The following KRT26 variants were observed in gnomAD, a reference collection of about 807,000 sequenced individuals.
KRT26 encodes the protein keratin, type I cytoskeletal 26.
A neutral mutation model predicts 46.1 loss-of-function variants in KRT26; 45 were observed. The observed-to-expected ratio is 0.98, with a 90% CI of 0.77 to 1.25. KRT26 has a LOEUF of 1.25. Ranked by LOEUF, KRT26 falls within the 50% of genes most tolerant of loss-of-function variation. KRT26 has a pLI of 0.00. For missense variants in KRT26, 582 were observed against 560.1 expected (o/e 1.04, Z -0.39); for synonymous variants, 191 against 209.9 (o/e 0.91, Z 0.78).
exon 1 of KRT26, chr17:40,771,925 C>G: frequency 6.2e-7 from 1 of 1,614,198 alleles, no homozygotes; most frequent in Non-Finnish European, 8.5e-7. Flanking sequence ...CACCACTTCC[C>G]AACCCTCCAC....
chr17:40,770,387 G>A, exon 3 of KRT26: 1 of 1,599,186 alleles, frequency 6.3e-7, no homozygotes, highest in South Asian at 1.1e-5. Flanking sequence ...ACACTGTGGT[G>A]CAGAGCCAGC....
At chr17:40,766,289 A>G (rs1046539122) in exon 8 of KRT26, 6 of 355,442 alleles carry the variant, frequency 1.7e-5, no homozygotes, top group African/African-American at 1.3e-4. Context: ...CCAAAATAAA[A>G]ACAAAAATTA....
At chr17:40,770,323 G>A (rs2038212377) in exon 3 of KRT26, 1 of 1,614,136 alleles carries the variant, frequency 6.2e-7, no homozygotes, top group Non-Finnish European at 8.5e-7. Flanking sequence ...CAGGTCGGTT[G>A]TACAAAGGGT....
chr17:40,772,135 C>A (rs2038228258), exon 1 of KRT26: 1 of 1,606,432 alleles, frequency 6.2e-7, no homozygotes. Context: ...AGCCGGGCAA[C>A]CCCTTCCCAG....
At position 40,771,664 on chromosome 17, in the gene KRT26, A is replaced by G. The variant is rs2038221754; in HGVS notation, c.441+9T>C. 1.3e-6 allele frequency: 2 copies of G among 1,598,922 alleles called. No individual in the cohort carries two copies. Among genetic ancestry groups the G allele is most frequent in the African/African-American group, 2.7e-5 (2 of 74,290 alleles). Reference sequence around the variant, plus strand: ...CTGTAGTAAAAGTATGCAAATCCCTATTTCTTACCTGCCTTTTAAGATCTT... The same window carrying G: ...CTGTAGTAAAAGTATGCAAATCCCTGTTTCTTACCTGCCTTTTAAGATCTT... On this transcript the variant is annotated intron_variant, in intron 1 of 7. Coordinates refer to ENST00000335552, the Ensembl canonical transcript of KRT26.
exon 4 of KRT26, chr17:40,770,081 G>A (rs771715785): frequency 4.3e-6 from 7 of 1,613,946 alleles, no homozygotes; most frequent in Admixed American, 1.7e-5. Flanking sequence ...TCATCTCCAC[G>A]TTCACGTTCC....
Position 40,768,861 on chromosome 17 carries a change from TTG to T in KRT26, c.1187+16_1187+17del. Reference sequence around the variant, plus strand: ...GTTAATGTGAGGTTTTTTTTTTTTTTTGCAAGTTAATCTTTACCTTTCTTCTC... The same window carrying T: ...GTTAATGTGAGGTTTTTTTTTTTTTTCAAGTTAATCTTTACCTTTCTTCTC... On this transcript the variant is annotated intron_variant, in intron 6 of 7. Transcript: ENST00000335552. 11 of 1,377,480 alleles carry T rather than the reference TTG, an allele frequency of 8.0e-6. No homozygotes were observed. The highest frequency in any genetic ancestry group is 2.6e-5 in the South Asian group (2 of 75,682). The allele number at this position is 1,377,480 out of a possible 1,614,324, so 85.3% of individuals were successfully genotyped here. A position where few individuals can be genotyped will look rare whatever the true frequency, so the allele number is the denominator to read the frequency against.
chr17:40,769,053 T>C, exon 6 of KRT26: 1 of 1,614,074 alleles, frequency 6.2e-7, no homozygotes, highest in Non-Finnish European at 8.5e-7. Flanking sequence ...TTGATTGCAG[T>C]AATTTCCTTC....
intron 6 of KRT26, 109 bp downstream of exon 6, chr17:40,768,770 G>A (rs771295981): frequency 1.7e-4 from 104 of 597,522 alleles, no homozygotes; most frequent in Non-Finnish European, 2.6e-4. Flanking sequence ...GGATAAATAT[G>A]TATGATCTCC....
At chr17:40,766,451 C>A in exon 8 of KRT26, 4 of 1,324,742 alleles carry the variant, frequency 3.0e-6, no homozygotes, top group South Asian at 1.5e-5. Flanking sequence ...GCAAAGGCAG[C>A]CTTTCTTTCT....
exon 8 of KRT26, chr17:40,766,659 T>G (rs1255221728): frequency 3.1e-6 from 5 of 1,609,460 alleles, no homozygotes; most frequent in Admixed American, 1.7e-5. Context: ...TAGTTTCTTC[T>G]GTTGAGTCTA....
chr17:40,770,723 C>T (rs896392669), intron 2 of KRT26, among the ~76,000 whole-genome samples: 3 of 152,210 alleles, frequency 2.0e-5, no homozygotes, highest in Non-Finnish European at 2.9e-5. Context: ...CTCACTCTGT[C>T]ACCCAGACTG....
chr17:40,767,709 A>G, intron 6 of KRT26, 56 bp from the exon 7 acceptor site: 1 of 867,174 alleles, frequency 1.2e-6, no homozygotes, highest in Non-Finnish European at 1.9e-6. Context: ...GTGAGCTTAT[A>G]AATACCTCTA....
Position 40,769,200 on chromosome 17 carries a change from C to G in KRT26, c.970-104G>C, listed in dbSNP as rs534576891. 232 of 716,792 alleles carry G rather than the reference C, an allele frequency of 3.2e-4. 5 individuals are homozygous for G. The South Asian group carries it at 4.4e-3, about 14-fold the overall frequency. The allele number at this position is 716,792 out of a possible 1,614,324, so 44.4% of individuals were successfully genotyped here. On this transcript the variant is annotated intron_variant, in intron 5 of 7. Transcript: ENST00000335552. Reference sequence around the variant, plus strand: ...TTGAGACTGTGTCTTGCTCTGTCACCCAGGCTGAGTGCAGTGGCATGATCT... The same window carrying G: ...TTGAGACTGTGTCTTGCTCTGTCACGCAGGCTGAGTGCAGTGGCATGATCT...
At chr17:40,770,798 T>A (rs2144147869) in intron 2 of KRT26, among the ~76,000 whole-genome samples, 1 of 152,298 alleles carries the variant, frequency 6.6e-6, no homozygotes, top group Non-Finnish European at 1.5e-5. Flanking sequence ...GATTCTCATG[T>A]CTCAGCCTCC....
intron 6 of KRT26, among the ~76,000 whole-genome samples, chr17:40,767,974 G>C (rs115013394): frequency 6.6e-6 from 1 of 152,188 alleles, no homozygotes; most frequent in Non-Finnish European, 1.5e-5. Context: ...GCTGGGCTAG[G>C]TGCTGCAGAA....
exon 6 of KRT26, chr17:40,768,982 C>T (rs760154857): frequency 1.2e-6 from 2 of 1,612,922 alleles, no homozygotes; most frequent in East Asian, 2.2e-5. Context: ...CCTTCTGTTT[C>T]TGTTCGAATC....
exon 2 of KRT26, chr17:40,771,177 C>T: frequency 2.5e-6 from 4 of 1,602,098 alleles, no homozygotes; most frequent in Non-Finnish European, 3.4e-6. Flanking sequence ...CATCAGCGGT[C>T]AGTCTGGCAT....
rs1400950555 is a variant in KRT26, at chr17:40,768,372, A to G, written c.1187+507T>C. 2.0e-5 allele frequency among the ~76,000 whole-genome samples: 3 copies of G among 152,250 alleles called. No homozygotes were observed. The South Asian group carries it at 6.2e-4, about 31-fold the overall frequency. On this transcript the variant is annotated intron_variant, in intron 6 of 7. Coordinates refer to ENST00000335552, the Ensembl canonical transcript of KRT26. Reference sequence around the variant, plus strand: ...ATCAACGAGGAAACTGCATTTGAAAAGGTTAAACAATGTGCTCATAATTCA... The same window carrying G: ...ATCAACGAGGAAACTGCATTTGAAAGGGTTAAACAATGTGCTCATAATTCA...
Sources: gnomAD v4.1 joint callset for allele counts (sites outside exome capture counted in the v4.1 genomes callset) on GRCh38, gnomAD v4.1.1 for gene constraint, MANE v1.5 for transcripts, NCBI Gene and HGNC (gene_info 2026-07-23, HGNC 2026-07-21) for gene names.